SNTG2: variants seen among roughly 807,000 people sequenced by gnomAD.
The protein encoded by SNTG2 is syntrophin gamma 2, also known as gamma-2-syntrophin.
A neutral mutation model predicts 70.9 loss-of-function variants in SNTG2; 74 were observed. The ratio of observed to expected loss-of-function variants is 1.04; its 90% CI spans 0.86 to 1.27. SNTG2 has a LOEUF of 1.27. Among genes scored for constraint, SNTG2 ranks in the 50% most tolerant of loss-of-function variants. SNTG2 has a pLI of 0.00. For synonymous variants in SNTG2, 278 were observed against 273.8 expected, an observed-to-expected ratio of 1.02 and a Z score of -0.15; for missense variants, 717 against 690.7, an observed-to-expected ratio of 1.04 and a Z score of -0.43.
In SNTG2 at chr2:1,097,456, A is replaced by T. The variant is rs980379495; in HGVS notation, c.211-740A>T. Among the ~76,000 whole-genome samples the T allele has an allele frequency of 2.0e-5, 3 of 152,158 alleles. No individual in the cohort carries two copies. Among genetic ancestry groups the T allele is most frequent in the African/African-American group, 7.2e-5 (3 of 41,442 alleles). On this transcript the variant is annotated intron_variant, in intron 2 of 16. Coordinates refer to ENST00000308624, the MANE Select transcript of SNTG2 (RefSeq NM_018968.4). The surrounding 1 kb of genome is among the most constrained non-coding windows in gnomAD (Gnocchi z 4.1). Reference sequence around the variant, plus strand: ...TTTGAGGTAAAAGCACCCTTTGGCCACTGTCCGTCTACCCCAGGCTGCCTC... The same window carrying T: ...TTTGAGGTAAAAGCACCCTTTGGCCTCTGTCCGTCTACCCCAGGCTGCCTC...
At position 1,101,108 on chromosome 2, in the gene SNTG2, A is replaced by G. The variant is rs115839068; in HGVS notation, c.325+2698A>G. On this transcript the variant is annotated intron_variant, in intron 4 of 16. Transcript: ENST00000308624. ...CATTGGAAGCTTCACAAGTAACTCC[A>G]GTGTGGTAGCCCCAGTGGGAGGTCC... Among the ~76,000 whole-genome samples, 982 of 152,332 alleles carry G rather than the reference A, an allele frequency of 6.4e-3. 6 individuals carry two copies. The highest frequency in any genetic ancestry group is 0.022 in the African/African-American group (924 of 41,582).
chr2:955,681 A>ACGTC lies in SNTG2; in HGVS notation c.72+4615_72+4616insTCCG, dbSNP rs1422820411. ...TATAGGTAAGGGCACAGCCATGGGG[A>ACGTC]CGCACTCAGATTCCATGGAAGAATG... On this transcript the variant is annotated intron_variant, in intron 1 of 16. Coordinates refer to ENST00000308624, the MANE Select transcript of SNTG2 (RefSeq NM_018968.4). Among the ~76,000 whole-genome samples the ACGTC allele has an allele frequency of 5.9e-5, 9 of 152,372 alleles. No homozygotes were observed. In the South Asian group the frequency reaches 1.0e-3, roughly 18 times the overall value.
chr2:1,101,665 C>A (rs1000435789), intron 4 of SNTG2, among the ~76,000 whole-genome samples: 1 of 152,186 alleles, frequency 6.6e-6, no homozygotes, highest in Non-Finnish European at 1.5e-5. Context: ...CCCTCTACCC[C>A]ACGGAGCACA....
intron 8 of SNTG2, among the ~76,000 whole-genome samples, chr2:1,201,901 C>T (rs1269443447): frequency 6.6e-6 from 1 of 151,838 alleles, no homozygotes; most frequent in Non-Finnish European, 1.5e-5. Flanking sequence ...GCAAGATAGA[C>T]ACAAAGAAAA....
chr2:976,069 A>G (rs1660898151), intron 1 of SNTG2, among the ~76,000 whole-genome samples: 1 of 152,230 alleles, frequency 6.6e-6, no homozygotes, highest in South Asian at 2.1e-4. Context: ...TTTTCTTCAG[A>G]GAAGAGAAAC....
chr2:983,450 A>G (rs1477569937), intron 1 of SNTG2, among the ~76,000 whole-genome samples: 1 of 151,926 alleles, frequency 6.6e-6, no homozygotes, highest in Non-Finnish European at 1.5e-5. Context: ...GCTCTGATTT[A>G]ATCAGGTGCT....
At chr2:983,279 GGC>G (rs1661188832) in intron 1 of SNTG2, among the ~76,000 whole-genome samples, 1 of 83,230 alleles carries the variant, frequency 1.2e-5, no homozygotes, top group Admixed American at 1.1e-4. Context: ...ATGAAGCAGA[GGC>G]TCTCTTCCAT....
chr2:1,143,639 G>A (rs1451656650), intron 6 of SNTG2, among the ~76,000 whole-genome samples: 1 of 151,152 alleles, frequency 6.6e-6, no homozygotes, highest in Non-Finnish European at 1.5e-5. Flanking sequence ...GGAGGCCGAG[G>A]CAGGTGGATT....
At chr2:1,259,724 C>T (rs72770612) in intron 13 of SNTG2, among the ~76,000 whole-genome samples, 13,971 of 152,178 alleles carry the variant, frequency 0.092, 706 homozygotes, top group South Asian at 0.15. Flanking sequence ...TGTTTTATGA[C>T]ATCCACTTAC....
chr2:1,138,564 G>A (rs1050804121), intron 6 of SNTG2, among the ~76,000 whole-genome samples: 9 of 152,074 alleles, frequency 5.9e-5, no homozygotes, highest in Admixed American at 2.0e-4. Context: ...GGTGGAGGGC[G>A]AAGCGGGTGA....
In SNTG2 at chr2:955,497, G is replaced by A. The variant is rs537989226; in HGVS notation, c.72+4429G>A. On this transcript the variant is annotated intron_variant, in intron 1 of 16. Transcript: ENST00000308624. Reference sequence around the variant, plus strand: ...AACTTTCTTCTTGTACTCAGCCAGTGGCAGTGGTCTCTAAGTATGGACTGA... The same window carrying A: ...AACTTTCTTCTTGTACTCAGCCAGTAGCAGTGGTCTCTAAGTATGGACTGA... Among the ~76,000 whole-genome samples the A allele has an allele frequency of 7.2e-5, 11 of 152,314 alleles. No homozygotes were observed. The South Asian group carries it at 1.2e-3, about 17-fold the overall frequency.
At chr2:1,104,483 T>C (rs1210483900) in intron 4 of SNTG2, among the ~76,000 whole-genome samples, 1 of 152,246 alleles carries the variant, frequency 6.6e-6, no homozygotes, top group African/African-American at 2.4e-5. Flanking sequence ...TCAAGCTTTC[T>C]TTTTATAGTT....
chr2:1,159,300 G>A (rs1281248596), intron 6 of SNTG2: 1 of 152,072 alleles, frequency 6.6e-6, no homozygotes, highest in African/African-American at 2.4e-5. Context: ...ATGTGTGACT[G>A]TGTTTGTTCT....
chr2:1,182,001 T>C (rs965678227), intron 8 of SNTG2, among the ~76,000 whole-genome samples: 2 of 152,214 alleles, frequency 1.3e-5, no homozygotes, highest in Non-Finnish European at 2.9e-5. Context: ...CATTGCTGCT[T>C]CTTCCCATCT....
chr2:1,190,495 C>CTATATATATATA (rs72001718), intron 8 of SNTG2, among the ~76,000 whole-genome samples: 8 of 90,796 alleles, frequency 8.8e-5, no homozygotes, highest in South Asian at 3.9e-4. Flanking sequence ...GGAGGGCTGA[C>CTATATATATATA]TATATATATA....
At chr2:1,274,929 G>A (rs1319339936) in intron 14 of SNTG2, among the ~76,000 whole-genome samples, 10 of 152,212 alleles carry the variant, frequency 6.6e-5, no homozygotes. Flanking sequence ...TGCAGGCTGG[G>A]AAGTTCAAGT....
chr2:977,416 A>C (rs1212751240), intron 1 of SNTG2, among the ~76,000 whole-genome samples: 1 of 152,122 alleles, frequency 6.6e-6, no homozygotes, highest in African/African-American at 2.4e-5. Flanking sequence ...GCTGTGGGAA[A>C]GTTCGCTGGA....
chr2:1,246,786 A>G (rs1324953450), intron 11 of SNTG2, among the ~76,000 whole-genome samples: 4 of 152,140 alleles, frequency 2.6e-5, no homozygotes, highest in South Asian at 2.1e-4. Context: ...TTTGAATCAT[A>G]TTCTGATTTT....
intron 14 of SNTG2, among the ~76,000 whole-genome samples, chr2:1,276,540 C>T (rs1572907018): frequency 1.3e-5 from 2 of 152,250 alleles, no homozygotes; most frequent in South Asian, 4.1e-4. Flanking sequence ...ACCTACTGCT[C>T]AGAAAAAAAG....
Sources: gnomAD v4.1 joint callset for allele counts (sites outside exome capture counted in the v4.1 genomes callset) on GRCh38, gnomAD v4.1.1 for gene constraint, Gnocchi (gnomAD v3.1) non-coding constraint, MANE v1.5 for transcripts, NCBI Gene and HGNC (gene_info 2026-07-23, HGNC 2026-07-21) for gene names.